The following PCDH15 variants were observed in gnomAD, a reference collection of about 807,000 sequenced individuals.
PCDH15 encodes the protein protocadherin-15.
Under a neutral mutation model 178.5 loss-of-function variants are expected in PCDH15, and 129 were observed. That is an observed-to-expected ratio of 0.72 (90% CI 0.63 to 0.84). PCDH15 has a LOEUF of 0.84. Ranked by LOEUF, PCDH15 falls within the 40% of genes least tolerant of loss-of-function variation. The pLI is 0.00. For missense variants in PCDH15, 2,230 were observed against 2,099.9 expected (o/e 1.06, Z -1.21); for synonymous variants, 800 against 732.0 (o/e 1.09, Z -1.50).
At chr10:55,169,419 A>G (rs1201911625) in intron 1 of PCDH15, among the ~76,000 whole-genome samples, 1 of 151,840 alleles carries the variant, frequency 6.6e-6, no homozygotes, top group Non-Finnish European at 1.5e-5. Flanking sequence ...GTATTTAACC[A>G]ACAAGATTCA....
intron 13 of PCDH15, among the ~76,000 whole-genome samples, chr10:54,160,178 T>C (rs2045566803): frequency 6.6e-6 from 1 of 151,754 alleles, no homozygotes; most frequent in African/African-American, 2.4e-5. Context: ...GGATGATTCA[T>C]GCCCCCCCCA....
intron 5 of PCDH15, among the ~76,000 whole-genome samples, chr10:54,358,420 A>G (rs1394245526): frequency 1.3e-5 from 2 of 152,218 alleles, no homozygotes; most frequent in African/African-American, 4.8e-5. Flanking sequence ...AATGCTCACC[A>G]TCACTGGCTA....
chr10:54,684,126 A>C (rs2094950583), intron 1 of PCDH15, among the ~76,000 whole-genome samples: 1 of 152,052 alleles, frequency 6.6e-6, no homozygotes, highest in South Asian at 2.1e-4. Context: ...GTGTTATTGT[A>C]TATAACAATT....
intron 2 of PCDH15, among the ~76,000 whole-genome samples, chr10:55,364,830 TG>T (rs1845315353): frequency 1.3e-5 from 2 of 152,154 alleles, no homozygotes; most frequent in African/African-American, 2.4e-5. Flanking sequence ...TCACACATTC[TG>T]CCCTCTTTTG....
intron 14 of PCDH15, among the ~76,000 whole-genome samples, chr10:54,141,153 T>C (rs2043371339): frequency 1.3e-5 from 2 of 151,606 alleles, no homozygotes; most frequent in Admixed American, 6.6e-5. Flanking sequence ...TAGTTTCTAA[T>C]GGAAAGCTTT....
chr10:54,758,135 G>C (rs1416056796), intron 1 of PCDH15, among the ~76,000 whole-genome samples: 1 of 152,152 alleles, frequency 6.6e-6, no homozygotes, highest in East Asian at 1.9e-4. Flanking sequence ...ATACCATGTA[G>C]TTTGTTAACT....
chr10:55,050,191 G>GT (rs1841123685), intron 2 of PCDH15, among the ~76,000 whole-genome samples: 1 of 151,922 alleles, frequency 6.6e-6, no homozygotes, highest in Admixed American at 6.6e-5. Flanking sequence ...AAATATAACA[G>GT]TTTTTCCTGA....
intron 2 of PCDH15, among the ~76,000 whole-genome samples, chr10:54,954,952 T>C (rs2131878266): frequency 6.6e-6 from 1 of 151,386 alleles, no homozygotes; most frequent in East Asian, 1.9e-4. Context: ...TATGTACAAA[T>C]GGACCTTATT....
At chr10:54,490,656 C>A (rs2137114271) in intron 3 of PCDH15, among the ~76,000 whole-genome samples, 1 of 152,134 alleles carries the variant, frequency 6.6e-6, no homozygotes, top group Admixed American at 6.6e-5. Flanking sequence ...TGCCATCCCA[C>A]CCGATCCGCT....
At chr10:55,189,887 C>A (rs905413145) in intron 1 of PCDH15, among the ~76,000 whole-genome samples, 11 of 151,728 alleles carry the variant, frequency 7.2e-5, no homozygotes, top group African/African-American at 2.4e-4. Context: ...ATTTCCCTAT[C>A]CCATGACCCA....
intron 2 of PCDH15, among the ~76,000 whole-genome samples, chr10:54,927,594 C>T (rs1837663777): frequency 6.6e-6 from 1 of 152,078 alleles, no homozygotes; most frequent in South Asian, 2.1e-4. Flanking sequence ...TCTCTAAGAA[C>T]ATGCTTTATG....
At chr10:55,158,097 T>TAC (rs61483631) in intron 2 of PCDH15, among the ~76,000 whole-genome samples, 2 of 122,680 alleles carry the variant, frequency 1.6e-5, no homozygotes, top group South Asian at 2.5e-4. Flanking sequence ...TATATATATA[T>TAC]ACACATATCT....
intron 1 of PCDH15, among the ~76,000 whole-genome samples, chr10:54,753,072 G>A (rs1946562469): frequency 6.6e-6 from 1 of 152,132 alleles, no homozygotes; most frequent in African/African-American, 2.4e-5. Context: ...AAATAAGTAA[G>A]GAGTTACCCA....
intron 2 of PCDH15, among the ~76,000 whole-genome samples, chr10:55,429,937 C>A (rs1378984914): frequency 6.6e-6 from 1 of 152,054 alleles, no homozygotes; most frequent in Non-Finnish European, 1.5e-5. Context: ...CCAAATCAAC[C>A]TTTTCTATGA....
intron 3 of PCDH15, among the ~76,000 whole-genome samples, chr10:54,460,121 A>T (rs1327985324): frequency 2.6e-5 from 4 of 152,180 alleles, no homozygotes; most frequent in Non-Finnish European, 5.9e-5. Context: ...GAACTAAAAC[A>T]GAAGAATAAA....
chr10:54,859,833 C>G (rs1056165621), intron 3 of PCDH15, among the ~76,000 whole-genome samples: 1 of 151,648 alleles, frequency 6.6e-6, no homozygotes, highest in African/African-American at 2.4e-5. Context: ...AATATAAAGT[C>G]GTAGTGCTAC....
chr10:54,795,285 C>G (rs905583038), intron 1 of PCDH15, among the ~76,000 whole-genome samples: 2 of 151,800 alleles, frequency 1.3e-5, no homozygotes, highest in Non-Finnish European at 2.9e-5. Context: ...CAAAACCAGT[C>G]CTTATATTAA....
intron 3 of PCDH15, among the ~76,000 whole-genome samples, chr10:54,453,484 T>TCA (rs1489414865): frequency 2.0e-5 from 3 of 151,554 alleles, no homozygotes; most frequent in Non-Finnish European, 4.4e-5. Context: ...AAGGGGAACA[T>TCA]CACACACCAG....
chr10:54,972,558 A>G (rs989897379), intron 2 of PCDH15, among the ~76,000 whole-genome samples: 3 of 151,428 alleles, frequency 2.0e-5, no homozygotes, highest in African/African-American at 7.3e-5. Context: ...TTAAAAAAAG[A>G]AAAATTCAGG....
Sources: allele counts gnomAD v4.1 joint callset (sites outside exome capture counted in the v4.1 genomes callset), GRCh38; gene constraint gnomAD v4.1.1; transcripts MANE v1.5; gene names NCBI Gene and HGNC (gene_info 2026-07-23, HGNC 2026-07-21).